The following BEND4 variants were observed in gnomAD, a reference collection of about 807,000 sequenced individuals.
The protein encoded by BEND4 is BEN domain containing 4.
BEND4 carries 27 observed loss-of-function variants against 54.7 expected under a neutral mutation model. The ratio of observed to expected loss-of-function variants is 0.49; its 90% CI spans 0.36 to 0.68. The LOEUF (loss-of-function observed/expected upper bound fraction) is 0.68. Ranked by LOEUF, BEND4 falls within the 30% of genes least tolerant of loss-of-function variation. The pLI is 0.00. For synonymous variants in BEND4, 327 were observed against 299.5 expected, an observed-to-expected ratio of 1.09 and a Z score of -0.95; for missense variants, 702 against 697.2, an observed-to-expected ratio of 1.01 and a Z score of -0.08.
At chr4:42,138,525 T>C (rs1044227209) in intron 3 of BEND4, among the ~76,000 whole-genome samples, 1 of 152,160 alleles carries the variant, frequency 6.6e-6, no homozygotes, top group Non-Finnish European at 1.5e-5. Context: ...GGAATACACG[T>C]GACAAATTTG....
intron 2 of BEND4, 60 bp downstream of exon 2, chr4:42,151,596 TG>T: frequency 7.1e-7 from 1 of 1,405,022 alleles, no homozygotes. Context: ...TTCTCCTTCC[TG>T]GGTCCCCTCC....
At chr4:42,130,071 C>T (rs1404209189) in intron 3 of BEND4, among the ~76,000 whole-genome samples, 1 of 152,108 alleles carries the variant, frequency 6.6e-6, no homozygotes, top group Non-Finnish European at 1.5e-5. Flanking sequence ...CAAACAACCC[C>T]ATTAAAAAGT....
intron 3 of BEND4, among the ~76,000 whole-genome samples, chr4:42,133,204 A>C (rs1417153709): frequency 6.6e-6 from 1 of 152,204 alleles, no homozygotes; most frequent in Non-Finnish European, 1.5e-5. Flanking sequence ...TGACTGTGCC[A>C]CCTTGGCAGC....
intron 5 of BEND4, among the ~76,000 whole-genome samples, chr4:42,118,143 T>G (rs1020981097): frequency 2.0e-5 from 3 of 152,206 alleles, no homozygotes; most frequent in African/African-American, 7.2e-5. Context: ...TAGCATGGTA[T>G]TCTTTAACCA....
At chr4:42,128,153 T>G (rs1720355583) in intron 3 of BEND4, among the ~76,000 whole-genome samples, 1 of 152,020 alleles carries the variant, frequency 6.6e-6, no homozygotes, top group Non-Finnish European at 1.5e-5. Flanking sequence ...AAAGCAACAC[T>G]CGCTCTCTAA....
chr4:42,144,140 C>G, intron 2 of BEND4, 146 bp from the exon 3 acceptor site: 1 of 707,570 alleles, frequency 1.4e-6, no homozygotes, highest in East Asian at 2.7e-5. Context: ...AATAAATCCA[C>G]TGTGAATAGA....
rs143248234 is a variant in BEND4, at chr4:42,111,066, T to C, written c.*6452A>G. ...TGAAATAATTGGCTCTAGTAACAAA[T>C]GTCTCTTATAATTAAAAATATTGAA... On this transcript the variant is annotated 3_prime_UTR_variant, in exon 6 of 6. Transcript: ENST00000502486. 4.7e-4 allele frequency: 72 copies of C among 152,330 alleles called. No homozygotes were observed. The highest frequency in any genetic ancestry group is 1.7e-3 in the African/African-American group (69 of 41,580). 9.4% of individuals were successfully genotyped at this position (152,330 alleles called of 1,614,324 possible). A position where few individuals can be genotyped will look rare whatever the true frequency, so the allele number is the denominator to read the frequency against.
In BEND4 at chr4:42,114,341, A is replaced by G. The variant is rs1374862346; in HGVS notation, c.*3177T>C. ...ATTTGGAAAACACAGGACAGTTGTC[A>G]CTTTTTGTAGGTATGGCTCTTCTGC... On this transcript the variant is annotated 3_prime_UTR_variant, in exon 6 of 6. Transcript: ENST00000502486. 1 of 152,200 alleles carries G rather than the reference A, an allele frequency of 6.6e-6. No individual in the cohort carries two copies. Among genetic ancestry groups the G allele is most frequent in the African/African-American group, 2.4e-5 (1 of 41,456 alleles). The allele number at this position is 152,200 out of a possible 1,614,324, so 9.4% of individuals were successfully genotyped here.
rs150165160 is a variant in BEND4 at position 42,143,281 on chromosome 4, A to C, written c.1054+147T>G. 36 of 731,692 alleles carry C rather than the reference A, an allele frequency of 4.9e-5. No individual in the cohort carries two copies. In the African/African-American group the frequency reaches 6.0e-4, roughly 12 times the overall value. 45.3% of individuals were successfully genotyped at this position (731,692 alleles called of 1,614,324 possible). ...CTCTTGAGCATGTCTGTTTTTTCCA[A>C]CTTTTCTACATCACTGGCCAAAAAA... On this transcript the variant is annotated intron_variant, in intron 3 of 5. Transcript: ENST00000502486.
At position 42,112,947 on chromosome 4, in the gene BEND4, T is replaced by C. The variant is rs1256539136; in HGVS notation, c.*4571A>G. On this transcript the variant is annotated 3_prime_UTR_variant, in exon 6 of 6. Transcript: ENST00000502486. Reference sequence around the variant, plus strand: ...GCTGGGTGACGTTTTCCTACATTACTCCAACTGAAGTGGTTATTTTTATCC... The same window carrying C: ...GCTGGGTGACGTTTTCCTACATTACCCCAACTGAAGTGGTTATTTTTATCC... The C allele has an allele frequency of 6.6e-6, 1 of 152,184 alleles. No individual in the cohort carries two copies. Among genetic ancestry groups the C allele is most frequent in the African/African-American group, 2.4e-5 (1 of 41,432 alleles). 9.4% of individuals were successfully genotyped at this position (152,184 alleles called of 1,614,324 possible). A position where few individuals can be genotyped will look rare whatever the true frequency, so the allele number is the denominator to read the frequency against.
rs1202290540 is a variant in BEND4, at chr4:42,117,573, T to G, written c.1550A>C (p.Gln517Pro). The part of the protein sequence containing the change: ...GGSFYEGIDH[Q>P]ASQDEVFNKS... ...ATTGAAGACTTCATCCTGAGAAGCC[T>G]GGTGATCGATCCCTTCATAAAATGA... The change falls in exon 6 of 6, where the codon CAG (glutamine) becomes CCG (proline). Residue 517 changes from glutamine to proline, a missense_variant. By Grantham distance (76) the Gln-to-Pro change is moderately conservative. Coordinates refer to ENST00000502486, the MANE Select transcript of BEND4 (RefSeq NM_207406.4). The G allele has an allele frequency of 5.6e-6, 9 of 1,613,066 alleles. No homozygotes were observed. In the African/African-American group the frequency reaches 9.3e-5, roughly 17 times the overall value.
At chr4:42,124,629 A>C (rs995650079) in intron 4 of BEND4, among the ~76,000 whole-genome samples, 4 of 152,192 alleles carry the variant, frequency 2.6e-5, no homozygotes, top group African/African-American at 7.2e-5. Flanking sequence ...CTCTTGCAGA[A>C]AACTCTGGTA....
chr4:42,143,338 C>A (rs1407217448), intron 3 of BEND4, 90 bp downstream of exon 3: 2 of 1,167,322 alleles, frequency 1.7e-6, no homozygotes, highest in Admixed American at 4.1e-5. Flanking sequence ...TATACACATA[C>A]ACATACATGA....
intron 2 of BEND4, among the ~76,000 whole-genome samples, chr4:42,147,694 T>A (rs1212651143): frequency 1.3e-5 from 2 of 152,158 alleles, no homozygotes; most frequent in Non-Finnish European, 1.5e-5. Flanking sequence ...TACTGGGAGA[T>A]AATATTATGC....
chr4:42,148,096 C>A (rs1452256655), intron 2 of BEND4, among the ~76,000 whole-genome samples: 2 of 152,060 alleles, frequency 1.3e-5, no homozygotes, highest in Non-Finnish European at 2.9e-5. Context: ...ATCTACCCAA[C>A]GATTTCTAAC....
intron 3 of BEND4, among the ~76,000 whole-genome samples, chr4:42,132,625 C>T (rs998325523): frequency 1.3e-5 from 2 of 151,798 alleles, no homozygotes; most frequent in Non-Finnish European, 2.9e-5. Context: ...TTTCTATTTT[C>T]AGTAGAGAGG....
Position 42,116,860 on chromosome 4 carries a change from GT to G in BEND4, c.*657del, listed in dbSNP as rs1311989962. ...TGACTAACAATGAAAAATGACTACT[GT>G]TTGTAAACTCCAGAGATCAAATAGT... is the stretch of plus-strand genomic sequence containing the variant. On this transcript the variant is annotated 3_prime_UTR_variant, in exon 6 of 6. Coordinates refer to ENST00000502486, the MANE Select transcript of BEND4 (RefSeq NM_207406.4). 1 of 152,168 alleles carries G rather than the reference GT, an allele frequency of 6.6e-6. No homozygotes were observed. Among genetic ancestry groups the G allele is most frequent in the Non-Finnish European group, 1.5e-5 (1 of 68,020 alleles). 9.4% of individuals were successfully genotyped at this position (152,168 alleles called of 1,614,324 possible).
chr4:42,143,623 C>T lies in BEND4; in HGVS notation c.859G>A (p.Val287Met). Residue 287 changes from valine to methionine, a missense_variant, in exon 3 of 6, where the codon GTG (valine) becomes ATG (methionine). Coordinates refer to ENST00000502486, the MANE Select transcript of BEND4 (RefSeq NM_207406.4). ...ADVDPLSTSPVHTLGGWTSPA... is the reference protein window; with the variant it reads ...ADVDPLSTSPMHTLGGWTSPA... ...GAAGTCCAGCCACCTAATGTATGCACAGGAGAGGTTGACAGAGGATCCACG... is the reference window on the plus strand; with the variant it reads ...GAAGTCCAGCCACCTAATGTATGCATAGGAGAGGTTGACAGAGGATCCACG... 2 of 1,610,844 alleles carry T rather than the reference C, an allele frequency of 1.2e-6. No homozygotes were observed. Among genetic ancestry groups the T allele is most frequent in the Non-Finnish European group, 1.7e-6 (2 of 1,178,500 alleles).
intron 3 of BEND4, among the ~76,000 whole-genome samples, chr4:42,135,540 A>C (rs1378465030): frequency 6.6e-6 from 1 of 152,132 alleles, no homozygotes; most frequent in African/African-American, 2.4e-5. Context: ...TGGGAGGCCG[A>C]GGCAGGCAGA....
Sources: gnomAD v4.1 joint callset for allele counts (sites outside exome capture counted in the v4.1 genomes callset) on GRCh38, gnomAD v4.1.1 for gene constraint, MANE v1.5 for transcripts, NCBI Gene and HGNC (gene_info 2026-07-23, HGNC 2026-07-21) for gene names.